The following MAP2K1 variants were observed in gnomAD, a reference collection of about 807,000 sequenced individuals.
MAP2K1 encodes the protein mitogen-activated protein kinase kinase 1.
Under a neutral mutation model 46.3 loss-of-function variants are expected in MAP2K1, and 16 were observed. The ratio of observed to expected loss-of-function variants is 0.35; its 90% CI spans 0.23 to 0.52. The LOEUF (loss-of-function observed/expected upper bound fraction) is 0.52. Ranked by LOEUF, MAP2K1 falls within the 20% of genes least tolerant of loss-of-function variation. The pLI is 0.94. For synonymous variants in MAP2K1, 183 were observed against 185.6 expected (o/e 0.99, Z 0.11); for missense variants, 263 against 497.1 (o/e 0.53, Z 4.48).
At chr15:66,479,364 C>T (rs942822042) in intron 5 of MAP2K1, among the ~76,000 whole-genome samples, 3 of 152,042 alleles carry the variant, frequency 2.0e-5, no homozygotes, top group Admixed American at 6.6e-5. Flanking sequence ...TCCCAAAGTG[C>T]TGGGATTACA....
At position 66,428,388 on chromosome 15, in the gene MAP2K1, G is replaced by A. The variant is rs11856814; in HGVS notation, c.81-6639G>A. Among the ~76,000 whole-genome samples the A allele has an allele frequency of 3.3e-5, 5 of 150,940 alleles. No individual in the cohort carries two copies. In the East Asian group the frequency reaches 7.8e-4, roughly 24 times the overall value. ...TCATGTGATTATGGAGGTCTGGTAA[G>A]CCTAAAATCTGCAGGGATAAGCCAG... On this transcript the variant is annotated intron_variant, in intron 1 of 10. Transcript: ENST00000307102.
Position 66,444,719 on chromosome 15 carries a change from T to C in MAP2K1, c.568+12T>C, listed in dbSNP as rs1891816720. On this transcript the variant is annotated intron_variant, in intron 5 of 10. Transcript: ENST00000307102. The stretch of plus-strand genomic sequence containing the variant: ...GATCATGCACAGAGGTAAGAAGTTA[T>C]TTGCTAGTTATTTTGCTTTGAATTT... 1 of 1,608,614 alleles carries C rather than the reference T, an allele frequency of 6.2e-7. No individual in the cohort carries two copies. Among genetic ancestry groups the C allele is most frequent in the Non-Finnish European group, 8.5e-7 (1 of 1,175,046 alleles).
intron 1 of MAP2K1, among the ~76,000 whole-genome samples, chr15:66,420,387 C>T (rs1229939287): frequency 2.6e-5 from 4 of 151,496 alleles, no homozygotes; most frequent in Non-Finnish European, 5.9e-5. Flanking sequence ...GGCAACATGG[C>T]GAAACCCAGT....
In MAP2K1 at chr15:66,387,002, C is replaced by G. The variant is rs922132696; in HGVS notation, c.-346C>G. 38 of 292,796 alleles carry G rather than the reference C, an allele frequency of 1.3e-4. No homozygotes were observed. The highest frequency in any genetic ancestry group is 5.6e-5 in the Non-Finnish European group (9 of 159,354). 18.1% of individuals were successfully genotyped at this position (292,796 alleles called of 1,614,324 possible). On this transcript the variant is annotated 5_prime_UTR_variant, in exon 1 of 11. Transcript: ENST00000307102. ...GGAGCTGGAGCTGGGCTCTGGTGCG[C>G]GCGCGGCTGTGCCGCCCGAGCCGGA...
intron 1 of MAP2K1, among the ~76,000 whole-genome samples, chr15:66,391,357 C>T (rs535387575): frequency 5.9e-5 from 9 of 152,308 alleles, no homozygotes; most frequent in Non-Finnish European, 8.8e-5. Context: ...GGCACTACCT[C>T]GGCTCACTGC....
At chr15:66,413,624 ATT>A (rs35015556) in intron 1 of MAP2K1, among the ~76,000 whole-genome samples, 8,756 of 151,016 alleles carry the variant, frequency 0.058, 361 homozygotes, top group Middle Eastern at 0.11. Context: ...TATTGTAGGC[ATT>A]TTTTTTTTTC....
At chr15:66,483,950 G>T (rs572691392) in intron 6 of MAP2K1, among the ~76,000 whole-genome samples, 26 of 151,746 alleles carry the variant, frequency 1.7e-4, no homozygotes, top group Non-Finnish European at 3.2e-4. Context: ...GGGTTTCACC[G>T]TGTTAGCCAG....
At chr15:66,425,296 T>G (rs2093455052) in intron 1 of MAP2K1, among the ~76,000 whole-genome samples, 1 of 152,262 alleles carries the variant, frequency 6.6e-6, no homozygotes, top group South Asian at 2.1e-4. Context: ...GCTTTAGGCT[T>G]AGATTCTTCA....
intron 1 of MAP2K1, 34 bp downstream of exon 1, chr15:66,387,461 C>G (rs748036330): frequency 1.3e-6 from 2 of 1,545,966 alleles, no homozygotes; most frequent in African/African-American, 1.4e-5. Flanking sequence ...CCTCGGGGCC[C>G]GGCTGGGGAG....
In MAP2K1 at chr15:66,420,821, A is replaced by ATG. The variant is rs1195900321; in HGVS notation, c.81-14205_81-14204insGT. Among the ~76,000 whole-genome samples, 8 of 109,286 alleles carry ATG rather than the reference A, an allele frequency of 7.3e-5. 1 individual carries two copies. Among genetic ancestry groups the ATG allele is most frequent in the African/African-American group, 2.5e-4 (8 of 32,646 alleles). 71.7% of individuals were successfully genotyped at this position (109,286 alleles called of 152,430 possible). On this transcript the variant is annotated intron_variant, in intron 1 of 10. Transcript: ENST00000307102. ...TATATATGTGTATATATATGTGTAT[A>ATG]TATATATGTGTATATATATGTGTGT...
intron 5 of MAP2K1, among the ~76,000 whole-genome samples, chr15:66,448,597 C>T (rs1891942475): frequency 6.6e-6 from 1 of 152,180 alleles, no homozygotes; most frequent in African/African-American, 2.4e-5. Flanking sequence ...AGATTTCTGT[C>T]CATGGCAGAC....
intron 5 of MAP2K1, among the ~76,000 whole-genome samples, chr15:66,448,331 A>C (rs943369401): frequency 1.3e-5 from 2 of 152,134 alleles, no homozygotes; most frequent in African/African-American, 4.8e-5. Context: ...TTCAAGGTTC[A>C]TCCATGTTGT....
intron 1 of MAP2K1, among the ~76,000 whole-genome samples, chr15:66,388,367 A>T (rs1488483250): frequency 2.6e-5 from 4 of 151,992 alleles, no homozygotes; most frequent in Non-Finnish European, 2.9e-5. Context: ...GGTTATTATT[A>T]TTTTTTTGCC....
At chr15:66,480,840 G>T (rs1303303603) in intron 5 of MAP2K1, among the ~76,000 whole-genome samples, 1 of 152,164 alleles carries the variant, frequency 6.6e-6, no homozygotes, top group Non-Finnish European at 1.5e-5. Context: ...CCCTGCTCCA[G>T]GGGCCTTCAC....
chr15:66,478,289 AC>A (rs1474504982), intron 5 of MAP2K1, among the ~76,000 whole-genome samples: 2 of 145,346 alleles, frequency 1.4e-5, no homozygotes, highest in Admixed American at 6.9e-5. Context: ...ATATATATAT[AC>A]TATATATACC....
chr15:66,399,223 A>G (rs377392714), intron 1 of MAP2K1, among the ~76,000 whole-genome samples: 1 of 152,358 alleles, frequency 6.6e-6, no homozygotes, highest in East Asian at 1.9e-4. Flanking sequence ...GAATGTTCAC[A>G]GTTGTTTTGT....
At chr15:66,466,387 G>A (rs1018267813) in intron 5 of MAP2K1, among the ~76,000 whole-genome samples, 2 of 152,152 alleles carry the variant, frequency 1.3e-5, no homozygotes, top group African/African-American at 4.8e-5. Context: ...ATACTTTATT[G>A]TTAAAACCTG....
At chr15:66,469,499 T>G (rs34991077) in intron 5 of MAP2K1, among the ~76,000 whole-genome samples, 1 of 142,454 alleles carries the variant, frequency 7.0e-6, no homozygotes, top group Admixed American at 7.0e-5. Flanking sequence ...TTTTTTTTTT[T>G]GTTGAGGAAC....
chr15:66,444,782 T>C, intron 5 of MAP2K1, 75 bp downstream of exon 5: 1 of 1,228,048 alleles, frequency 8.1e-7, no homozygotes, highest in Non-Finnish European at 1.2e-6. Context: ...CTCTTTTTTC[T>C]ATGTTTTGTT....
Sources: allele counts gnomAD v4.1 joint callset (sites outside exome capture counted in the v4.1 genomes callset), GRCh38; gene constraint gnomAD v4.1.1; transcripts MANE v1.5; gene names NCBI Gene and HGNC (gene_info 2026-07-23, HGNC 2026-07-21).